HEMK2: variants seen among roughly 807,000 people sequenced by gnomAD.
HEMK2 encodes the protein methyltransferase HEMK2.
the HEMK2 span, among the ~76,000 whole-genome samples, chr21:28,726,528 A>G: frequency 6.6e-6 from 1 of 152,216 alleles, no homozygotes; most frequent in Non-Finnish European, 1.5e-5. Context: ...TTGAAAATAG[A>G]ATCGATTTTA....
At chr21:28,606,876 C>T in the HEMK2 span, among the ~76,000 whole-genome samples, 1 of 152,126 alleles carries the variant, frequency 6.6e-6, no homozygotes, top group East Asian at 1.9e-4. Flanking sequence ...GCTATCTTAA[C>T]CTATTAGTGA....
At chr21:28,822,100 T>C in the HEMK2 span, among the ~76,000 whole-genome samples, 5 of 152,342 alleles carry the variant, frequency 3.3e-5, no homozygotes, top group African/African-American at 7.2e-5. Context: ...TTCCCTTTTA[T>C]GGACATTTTA....
At chr21:28,849,621 A>G in the HEMK2 span, among the ~76,000 whole-genome samples, 1 of 152,246 alleles carries the variant, frequency 6.6e-6, no homozygotes, top group Non-Finnish European at 1.5e-5. Context: ...GAATCTGAGG[A>G]ATTCAATAAA....
the HEMK2 span, chr21:28,674,725 T>TA: frequency 1.3e-5 from 2 of 152,244 alleles, no homozygotes; most frequent in Non-Finnish European, 2.9e-5. Flanking sequence ...GGGTAAATCA[T>TA]AAAAAATTTA....
chr21:28,880,177 C>T, the HEMK2 span, among the ~76,000 whole-genome samples: 2 of 152,106 alleles, frequency 1.3e-5, no homozygotes, highest in Admixed American at 6.5e-5. Flanking sequence ...ATTAAAAAGC[C>T]TATACTCCTC....
the HEMK2 span, among the ~76,000 whole-genome samples, chr21:28,651,646 G>C: frequency 6.6e-6 from 1 of 152,082 alleles, no homozygotes; most frequent in Admixed American, 6.5e-5. Context: ...ATCTTGCATA[G>C]AGCATTATCA....
chr21:28,745,533 C>A, the HEMK2 span, among the ~76,000 whole-genome samples: 7 of 152,284 alleles, frequency 4.6e-5, no homozygotes, highest in East Asian at 1.4e-3. Context: ...AAGAAGTCCT[C>A]GGAACCAAGA....
chr21:28,778,267 T>G, the HEMK2 span, among the ~76,000 whole-genome samples: 1 of 152,274 alleles, frequency 6.6e-6, no homozygotes, highest in Non-Finnish European at 1.5e-5. Flanking sequence ...TCCCTGGAGA[T>G]TCATCCAAGT....
At chr21:28,703,684 T>C in the HEMK2 span, among the ~76,000 whole-genome samples, 1 of 152,230 alleles carries the variant, frequency 6.6e-6, no homozygotes, top group East Asian at 1.9e-4. Flanking sequence ...CACTTCCCTG[T>C]GGTAGCTGTT....
the HEMK2 span, among the ~76,000 whole-genome samples, chr21:28,870,487 C>T: frequency 2.0e-5 from 3 of 152,076 alleles, no homozygotes; most frequent in South Asian, 2.1e-4. Context: ...CTGCCATATC[C>T]GCCTCTGAAG....
At chr21:28,790,539 A>T in the HEMK2 span, among the ~76,000 whole-genome samples, 1 of 152,112 alleles carries the variant, frequency 6.6e-6, no homozygotes, top group Admixed American at 6.6e-5. Flanking sequence ...GACACAGCAC[A>T]AGAATACCCC....
chr21:28,814,424 C>G, the HEMK2 span, among the ~76,000 whole-genome samples: 1 of 151,592 alleles, frequency 6.6e-6, no homozygotes, highest in South Asian at 2.1e-4. Context: ...GCAAAAGAAA[C>G]TACCATCAGA....
chr21:28,650,401 A>G, the HEMK2 span, among the ~76,000 whole-genome samples: 2 of 152,112 alleles, frequency 1.3e-5, no homozygotes, highest in African/African-American at 4.8e-5. Context: ...TCTCAAAAAA[A>G]AAAATGCCAT....
At chr21:28,791,919 C>A in the HEMK2 span, among the ~76,000 whole-genome samples, 1 of 151,982 alleles carries the variant, frequency 6.6e-6, no homozygotes, top group Non-Finnish European at 1.5e-5. Flanking sequence ...AAAGACCTTG[C>A]TGATAAACCA....
the HEMK2 span, among the ~76,000 whole-genome samples, chr21:28,830,606 C>T: frequency 1.4e-4 from 22 of 152,232 alleles, no homozygotes; most frequent in East Asian, 5.8e-4. Flanking sequence ...AGGCCAGGCG[C>T]GTGGCTCACG....
At chr21:28,777,729 C>A in the HEMK2 span, among the ~76,000 whole-genome samples, 1 of 152,138 alleles carries the variant, frequency 6.6e-6, no homozygotes, top group Non-Finnish European at 1.5e-5. Flanking sequence ...AAAAAACATT[C>A]TTGTCCTCCA....
chr21:28,720,680 C>A, the HEMK2 span, among the ~76,000 whole-genome samples: 619 of 152,158 alleles, frequency 4.1e-3, 15 homozygotes, highest in East Asian at 0.065. Flanking sequence ...TTGCAGTGAG[C>A]CGAGATTGCG....
At chr21:28,845,802 TTTTTA>T in the HEMK2 span, among the ~76,000 whole-genome samples, 2 of 152,168 alleles carry the variant, frequency 1.3e-5, no homozygotes, top group East Asian at 1.9e-4. Flanking sequence ...TTCTTTAAAG[TTTTTA>T]TTTTAAGTTC....
chr21:28,632,704 T>C, the HEMK2 span, among the ~76,000 whole-genome samples: 13,274 of 152,228 alleles, frequency 0.087, 912 homozygotes, highest in East Asian at 0.34. Flanking sequence ...AAAAGTTATA[T>C]TTATAGAAAA....
Sources: gnomAD v4.1 joint callset for allele counts (sites outside exome capture counted in the v4.1 genomes callset) on GRCh38, gnomAD v4.1.1 for gene constraint, MANE v1.5 for transcripts, NCBI Gene and HGNC (gene_info 2026-07-23, HGNC 2026-07-21) for gene names.